Variants in CENPN observed in about 807,000 individuals in gnomAD.
CENPN encodes the protein centromere protein N, also known as interphase centromere complex protein 32.
A neutral mutation model predicts 48.6 loss-of-function variants in CENPN; 36 were observed. The ratio of observed to expected loss-of-function variants is 0.74; its 90% CI spans 0.57 to 0.98. The LOEUF is 0.98. Among genes scored for constraint, CENPN ranks in the 50% least tolerant of loss-of-function variants. The pLI is 0.00. For missense variants in CENPN, 439 were observed against 399.2 expected (o/e 1.10, Z -0.85); for synonymous variants, 166 against 135.2 (o/e 1.23, Z -1.58).
chr16:81,008,572 A>G (rs752349003), intron 1 of CENPN, among the ~76,000 whole-genome samples: 3 of 152,044 alleles, frequency 2.0e-5, no homozygotes, highest in Non-Finnish European at 4.4e-5. Flanking sequence ...GAGTTTCACC[A>G]TGTTGGCCTG....
chr16:81,017,854 T>C lies in CENPN; in HGVS notation c.354+20T>C, dbSNP rs139349916. 135 of 1,403,124 alleles carry C rather than the reference T, an allele frequency of 9.6e-5. No individual in the cohort carries two copies. The African/African-American group carries it at 1.8e-3, about 19-fold the overall frequency. The allele number at this position is 1,403,124 out of a possible 1,614,324, so 86.9% of individuals were successfully genotyped here. ...AAAAATGTAAGAATAAAATTCATCTTTTACATAAAATTCAATGTCATGACG... is the reference window on the plus strand; with the variant it reads ...AAAAATGTAAGAATAAAATTCATCTCTTACATAAAATTCAATGTCATGACG... On this transcript the variant is annotated intron_variant, in intron 5 of 10. Coordinates refer to ENST00000305850, the MANE Select transcript of CENPN (RefSeq NM_001100624.3).
chr16:81,032,611 A>T (rs758719418), downstream of CENPN: 2 of 1,613,692 alleles, frequency 1.2e-6, no homozygotes, highest in Admixed American at 3.3e-5. Context: ...CTATTCTGGA[A>T]GCCACAGTCA....
intron 3 of CENPN, chr16:81,014,410 A>AT: frequency 2.1e-6 from 1 of 475,768 alleles, no homozygotes; most frequent in South Asian, 3.1e-5. Context: ...AATTTTTTGT[A>AT]TTTTTTGCCA....
chr16:81,017,736 T>G, intron 4 of CENPN, 22 bp from the exon 5 acceptor site: 4 of 1,540,698 alleles, frequency 2.6e-6, no homozygotes, highest in Non-Finnish European at 3.5e-6. Flanking sequence ...GATTTTTCTT[T>G]ATTTTTTTTT....
chr16:81,010,357 AG>A (rs373760097), intron 1 of CENPN, among the ~76,000 whole-genome samples: 360 of 152,264 alleles, frequency 2.4e-3, no homozygotes, highest in African/African-American at 8.3e-3. Context: ...ATGATAAAAG[AG>A]CTCAGAATCT....
chr16:81,013,013 T>C (rs1245806936), intron 2 of CENPN, among the ~76,000 whole-genome samples: 1 of 152,228 alleles, frequency 6.6e-6, no homozygotes, highest in Non-Finnish European at 1.5e-5. Context: ...TTTAGTTATA[T>C]AAATGAAGAT....
chr16:81,032,761 G>T, downstream of CENPN: 1 of 1,477,502 alleles, frequency 6.8e-7, no homozygotes, highest in Non-Finnish European at 9.3e-7. Flanking sequence ...CTGATATACA[G>T]CTAACTGCTA....
In CENPN at chr16:81,029,021, TC is replaced by T; in HGVS notation, c.*372del. Reference sequence around the variant, plus strand: ...CTTCTCAATTCTGGAGAGGTCTGGTTCCAGTGGCTGGTTTCCAGGGATTGAT... The same window carrying T: ...CTTCTCAATTCTGGAGAGGTCTGGTTCAGTGGCTGGTTTCCAGGGATTGAT... On this transcript the variant is annotated 3_prime_UTR_variant, in exon 11 of 11. Transcript: ENST00000305850. 1 of 992,026 alleles carries T rather than the reference TC, an allele frequency of 1.0e-6. No individual in the cohort carries two copies. The highest frequency in any genetic ancestry group is 1.2e-6 in the Non-Finnish European group (1 of 834,634). 61.5% of individuals were successfully genotyped at this position (992,026 alleles called of 1,614,324 possible).
In CENPN at chr16:81,028,653, A is replaced by G. The variant is rs749732364; in HGVS notation, c.*2A>G. ...TATTTTAAAATTAGAGATAAATAAGACGTGCGTGGTTTCTTAAGCACAGCT... is the reference window on the plus strand; with the variant it reads ...TATTTTAAAATTAGAGATAAATAAGGCGTGCGTGGTTTCTTAAGCACAGCT... On this transcript the variant is annotated 3_prime_UTR_variant, in exon 11 of 11. Coordinates refer to ENST00000305850, the MANE Select transcript of CENPN (RefSeq NM_001100624.3). 1 of 1,610,312 alleles carries G rather than the reference A, an allele frequency of 6.2e-7. No individual in the cohort carries two copies. The highest frequency in any genetic ancestry group is 2.2e-5 in the East Asian group (1 of 44,816).
downstream of CENPN, chr16:81,032,678 T>C (rs753165832): frequency 3.7e-6 from 6 of 1,608,572 alleles, no homozygotes; most frequent in Non-Finnish European, 5.1e-6. Context: ...TTTGTCCCAT[T>C]GTATCCAAGA....
At chr16:81,015,152 C>T (rs916713189) in intron 3 of CENPN, among the ~76,000 whole-genome samples, 1 of 152,218 alleles carries the variant, frequency 6.6e-6, no homozygotes, top group African/African-American at 2.4e-5. Context: ...AAATTTGTTC[C>T]TATTACAGTG....
chr16:81,030,170 C>T lies in CENPN; in HGVS notation c.*1519C>T, dbSNP rs75597714. 47 of 983,456 alleles carry T rather than the reference C, an allele frequency of 4.8e-5. No homozygotes were observed. Among genetic ancestry groups the T allele is most frequent in the Admixed American group, 6.1e-5 (1 of 16,264 alleles). 60.9% of individuals were successfully genotyped at this position (983,456 alleles called of 1,614,324 possible). A position where few individuals can be genotyped will look rare whatever the true frequency, so the allele number is the denominator to read the frequency against. On this transcript the variant is annotated 3_prime_UTR_variant, in exon 11 of 11. Coordinates refer to ENST00000305850, the MANE Select transcript of CENPN (RefSeq NM_001100624.3). ...TTGTCACATGGGGGTTATTACAATT[C>T]AAGGTGACACTTGTGTGGAGACACA...
chr16:81,012,476 A>G (rs919357097), intron 2 of CENPN, among the ~76,000 whole-genome samples: 8 of 152,190 alleles, frequency 5.3e-5, no homozygotes, highest in Non-Finnish European at 1.2e-4. Context: ...TTTCATGTGT[A>G]TTTATCTCTT....
intron 10 of CENPN, 116 bp downstream of exon 10, chr16:81,028,413 C>T: frequency 6.7e-7 from 1 of 1,482,784 alleles, no homozygotes; most frequent in East Asian, 2.3e-5. Flanking sequence ...CTAGCCCATC[C>T]TGCTCTCTCT....
chr16:81,011,491 T>G (rs749680483), intron 1 of CENPN, among the ~76,000 whole-genome samples: 6 of 152,166 alleles, frequency 3.9e-5, no homozygotes, highest in Admixed American at 1.3e-4. Flanking sequence ...AGGGGTTACA[T>G]GAATCAGTAA....
intron 4 of CENPN, 23 bp from the exon 5 acceptor site, chr16:81,017,735 T>G (rs1969992729): frequency 6.5e-7 from 1 of 1,540,958 alleles, no homozygotes; most frequent in Non-Finnish European, 8.8e-7. Context: ...TGATTTTTCT[T>G]TATTTTTTTT....
At chr16:81,019,380 CT>C (rs1020795508) in intron 5 of CENPN, among the ~76,000 whole-genome samples, 1,542 of 139,396 alleles carry the variant, frequency 0.011, 14 homozygotes, top group African/African-American at 0.032. Context: ...CCGTGCCTGG[CT>C]TTTTTTTTTT....
chr16:81,023,044 A>G lies in CENPN; in HGVS notation c.633+346A>G, dbSNP rs1053423162. 8.2e-5 allele frequency: 52 copies of G among 637,482 alleles called. No individual in the cohort carries two copies. The African/African-American group carries it at 8.7e-4, about 11-fold the overall frequency. The allele number at this position is 637,482 out of a possible 1,614,324, so 39.5% of individuals were successfully genotyped here. On this transcript the variant is annotated intron_variant, in intron 7 of 10. Transcript: ENST00000305850. ...TTATTCTATGAAACAACAGAGAAGTAGAATTAACTTTTTGTCCCATCACTC... is the reference window on the plus strand; with the variant it reads ...TTATTCTATGAAACAACAGAGAAGTGGAATTAACTTTTTGTCCCATCACTC...
rs1970714830 is a variant in CENPN, at chr16:81,030,393, A to G, written c.*1742A>G. ...TGTACTCTCACACTTCTGATACCAG[A>G]TATGTGGGGGAGGGGGTTTCCCCCA... On this transcript the variant is annotated 3_prime_UTR_variant, in exon 11 of 11. Coordinates refer to ENST00000305850, the MANE Select transcript of CENPN (RefSeq NM_001100624.3). The G allele has an allele frequency of 1.0e-6, 1 of 985,160 alleles. No individual in the cohort carries two copies. The highest frequency in any genetic ancestry group is 4.7e-5 in the South Asian group (1 of 21,284). 61.0% of individuals were successfully genotyped at this position (985,160 alleles called of 1,614,324 possible).
Sources: gnomAD v4.1 joint callset for allele counts (sites outside exome capture counted in the v4.1 genomes callset) on GRCh38, gnomAD v4.1.1 for gene constraint, MANE v1.5 for transcripts, NCBI Gene and HGNC (gene_info 2026-07-23, HGNC 2026-07-21) for gene names.